The following TENM2 variants were observed in gnomAD, a reference collection of about 807,000 sequenced individuals.
TENM2 encodes the protein teneurin-2.
A neutral mutation model predicts 245.2 loss-of-function variants in TENM2; 52 were observed. The observed-to-expected ratio is 0.21, with a 90% confidence interval of 0.17 to 0.27. The LOEUF is 0.27. Among genes scored for constraint, TENM2 ranks in the 10% least tolerant of loss-of-function variants. The pLI, the probability that TENM2 is intolerant of heterozygous loss-of-function variation, is 1.00. For missense variants in TENM2, 3,046 were observed against 3,666.8 expected (o/e 0.83, Z 4.37); for synonymous variants, 1,363 against 1,438.9 (o/e 0.95, Z 1.19).
the TENM2 span, among the ~76,000 whole-genome samples, chr5:167,182,131 A>G: frequency 6.6e-6 from 1 of 152,194 alleles, no homozygotes; most frequent in Non-Finnish European, 1.5e-5. Context: ...ATTTCAGGTA[A>G]ACATTATTTT....
intron 2 of TENM2, among the ~76,000 whole-genome samples, chr5:167,462,580 A>G (rs1766384501): frequency 6.6e-6 from 1 of 152,030 alleles, no homozygotes; most frequent in African/African-American, 2.4e-5. Context: ...GGAGCTGGAA[A>G]GGGGATGGAG....
chr5:167,919,332 C>A (rs962282623), intron 3 of TENM2, among the ~76,000 whole-genome samples: 1 of 152,092 alleles, frequency 6.6e-6, no homozygotes, highest in African/African-American at 2.4e-5. Flanking sequence ...AAAGTGCTGG[C>A]GAATGTTAAT....
chr5:167,251,062 G>A, the TENM2 span, among the ~76,000 whole-genome samples: 1 of 152,070 alleles, frequency 6.6e-6, no homozygotes, highest in Non-Finnish European at 1.5e-5. Context: ...ACTTCAGCTT[G>A]TAGGTATTTT....
rs536749741 is a variant in TENM2 at position 167,950,161 on chromosome 5, G to A, written c.713-2427G>A. ...AAAAGAGAACTTGACCTCTCTTCTA[G>A]TTAACTGGAAAACTCCCAATTCATT... On this transcript the variant is annotated intron_variant, in intron 3 of 28. Transcript: ENST00000518659. Among the ~76,000 whole-genome samples the A allele has an allele frequency of 4.6e-5, 7 of 152,276 alleles. No individual in the cohort carries two copies. The East Asian group carries it at 1.2e-3, about 25-fold the overall frequency.
intron 5 of TENM2, among the ~76,000 whole-genome samples, chr5:168,009,224 C>T (rs941091924): frequency 6.6e-6 from 1 of 152,164 alleles, no homozygotes; most frequent in Non-Finnish European, 1.5e-5. Flanking sequence ...GAGTCTATAC[C>T]GTTGCCCTTT....
At chr5:167,195,156 G>T in the TENM2 span, among the ~76,000 whole-genome samples, 1,975 of 152,162 alleles carry the variant, frequency 0.013, 51 homozygotes, top group African/African-American at 0.045. Flanking sequence ...CACCAGAAAA[G>T]AGCTCGGTAT....
At position 168,085,867 on chromosome 5, in the gene TENM2, C is replaced by T. The variant is rs137893389; in HGVS notation, c.1516-4707C>T. 4.1e-3 allele frequency among the ~76,000 whole-genome samples: 626 copies of T among 152,334 alleles called. 3 individuals are homozygous for T. The highest frequency in any genetic ancestry group is 0.014 in the African/African-American group (594 of 41,580). On this transcript the variant is annotated intron_variant, in intron 7 of 28. Transcript: ENST00000518659. ...CCCTGCAATCCCACCAACTGCTGAG[C>T]GTGCCCTGCCATCTGAGGTAGAATC... is the stretch of plus-strand genomic sequence containing the variant.
chr5:167,221,600 A>G, the TENM2 span, among the ~76,000 whole-genome samples: 1 of 152,234 alleles, frequency 6.6e-6, no homozygotes, highest in Non-Finnish European at 1.5e-5. Context: ...AGTAGCAAGC[A>G]ATTTATAGAA....
At chr5:168,111,872 T>C (rs1012934670) in intron 9 of TENM2, among the ~76,000 whole-genome samples, 8 of 152,238 alleles carry the variant, frequency 5.3e-5, no homozygotes, top group Non-Finnish European at 1.2e-4. Context: ...TTGTCTTACC[T>C]TTATTGGCAA....
chr5:168,027,334 T>C (rs1168769349), intron 5 of TENM2, among the ~76,000 whole-genome samples: 1 of 152,152 alleles, frequency 6.6e-6, no homozygotes, highest in Non-Finnish European at 1.5e-5. Context: ...CCCCCTTACA[T>C]CCAAACATAC....
chr5:167,273,647 TTCTAGGAGCCACCA>T, the TENM2 span, among the ~76,000 whole-genome samples: 2 of 152,132 alleles, frequency 1.3e-5, no homozygotes, highest in African/African-American at 4.8e-5. Flanking sequence ...TTGTGATCCT[TTCTAGGAGCCACCA>T]AAGTGTTTCT....
At chr5:167,158,913 CCTCT>C in the TENM2 span, among the ~76,000 whole-genome samples, 129 of 105,332 alleles carry the variant, frequency 1.2e-3, 2 homozygotes, top group African/African-American at 3.2e-3. Flanking sequence ...CCTTCCTCTT[CCTCT>C]CTCTCTCTCT....
At chr5:167,137,827 A>G in the TENM2 span, among the ~76,000 whole-genome samples, 1 of 152,204 alleles carries the variant, frequency 6.6e-6, no homozygotes, top group Admixed American at 6.5e-5. Context: ...ATGTGTTTTC[A>G]GGAAAACTGG....
At chr5:167,188,423 CACTTA>C in the TENM2 span, among the ~76,000 whole-genome samples, 4 of 152,108 alleles carry the variant, frequency 2.6e-5, no homozygotes, top group African/African-American at 9.7e-5. Flanking sequence ...CGAAATGAGC[CACTTA>C]ACTTTGTATT....
At chr5:168,023,992 T>G (rs367644641) in intron 5 of TENM2, among the ~76,000 whole-genome samples, 22 of 152,284 alleles carry the variant, frequency 1.4e-4, no homozygotes, top group Non-Finnish European at 2.8e-4. Context: ...TAGAGAGAGA[T>G]ATTTATACAC....
At chr5:168,180,779 G>A (rs1378505721) in intron 13 of TENM2, among the ~76,000 whole-genome samples, 1 of 152,096 alleles carries the variant, frequency 6.6e-6, no homozygotes, top group East Asian at 1.9e-4. Context: ...GCGGGCGCCT[G>A]TAATGCCAGC....
chr5:167,937,791 A>T (rs1778846414), intron 3 of TENM2: 1 of 152,162 alleles, frequency 6.6e-6, no homozygotes. Context: ...AATTGGCATG[A>T]TGGCGCTCAG....
chr5:166,997,852 GCATA>G, the TENM2 span, among the ~76,000 whole-genome samples: 1 of 152,062 alleles, frequency 6.6e-6, no homozygotes, highest in Admixed American at 6.6e-5. Context: ...TAGTAAATAA[GCATA>G]CAGTTTATGG....
In TENM2 at chr5:168,000,528, A is replaced by G. The variant is rs1038558074; in HGVS notation, c.1186+7346A>G. ...CATCAGAAAAATGAGGAGAATTCCT[A>G]CTTTGTAAACATGCCTCAAGCATTC... On this transcript the variant is annotated intron_variant, in intron 5 of 28. Coordinates refer to ENST00000518659, the Ensembl canonical transcript of TENM2. Among the ~76,000 whole-genome samples the G allele has an allele frequency of 2.6e-5, 4 of 152,204 alleles. No individual in the cohort carries two copies. The East Asian group carries it at 7.7e-4, about 29-fold the overall frequency.
Sources: allele counts gnomAD v4.1 joint callset (sites outside exome capture counted in the v4.1 genomes callset), GRCh38; gene constraint gnomAD v4.1.1; transcripts MANE v1.5; gene names NCBI Gene and HGNC (gene_info 2026-07-23, HGNC 2026-07-21).